CRB1: variants seen among roughly 807,000 people sequenced by gnomAD.
CRB1 encodes the protein protein crumbs homolog 1.
In CRB1, 83 loss-of-function variants were observed where a neutral mutation model predicts 120.0. The observed-to-expected ratio is 0.69, with a 90% CI of 0.58 to 0.83. CRB1 has a LOEUF of 0.83. Ranked by LOEUF, CRB1 falls within the 40% of genes least tolerant of loss-of-function variation. CRB1 has a pLI of 0.00. For synonymous variants in CRB1, 625 were observed against 612.5 expected, an observed-to-expected ratio of 1.02 and a Z score of -0.30; for missense variants, 1,699 against 1,687.6, an observed-to-expected ratio of 1.01 and a Z score of -0.12.
intron 5 of CRB1, among the ~76,000 whole-genome samples, chr1:197,391,977 A>G (rs1030247787): frequency 2.0e-5 from 3 of 152,004 alleles, no homozygotes; most frequent in African/African-American, 7.2e-5. Flanking sequence ...GTGCAAAAAC[A>G]GGTTTTATTC....
intron 3 of CRB1, among the ~76,000 whole-genome samples, chr1:197,346,528 A>G (rs1659785175): frequency 6.6e-6 from 1 of 152,206 alleles, no homozygotes; most frequent in South Asian, 2.1e-4. Flanking sequence ...TTGGTGATAA[A>G]AACACACACA....
chr1:197,401,350 TCTC>T (rs1251877700), intron 5 of CRB1, among the ~76,000 whole-genome samples: 1 of 152,152 alleles, frequency 6.6e-6, no homozygotes, highest in Non-Finnish European at 1.5e-5. Context: ...TTTAATCTAT[TCTC>T]CTCTAATTAC....
At chr1:197,307,064 T>C (rs1253428651) in intron 1 of CRB1, among the ~76,000 whole-genome samples, 3 of 152,216 alleles carry the variant, frequency 2.0e-5, no homozygotes, top group South Asian at 2.1e-4. Flanking sequence ...ATTTTGAATA[T>C]AAGTGGTACC....
rs114727089 is a variant in CRB1, at chr1:197,325,195, C to T, written c.71-3227C>T. On this transcript the variant is annotated intron_variant, in intron 1 of 11. Coordinates refer to ENST00000367400, the MANE Select transcript of CRB1 (RefSeq NM_201253.3). ...CCTGATTAAAGATGTGCCCCTCCTGCACCGCCTCCCTCCCCACCCCAATCC... is the reference window on the plus strand; with the variant it reads ...CCTGATTAAAGATGTGCCCCTCCTGTACCGCCTCCCTCCCCACCCCAATCC... Among the ~76,000 whole-genome samples the T allele has an allele frequency of 5.7e-3, 863 of 152,262 alleles. 8 individuals are homozygous for T. The highest frequency in any genetic ancestry group is 0.017 in the African/African-American group (709 of 41,524).
the CRB1 span, among the ~76,000 whole-genome samples, chr1:197,234,410 CCTT>C: frequency 1.3e-5 from 2 of 152,238 alleles, no homozygotes; most frequent in African/African-American, 2.4e-5. Context: ...GGAACAGAAG[CCTT>C]CTTCCAACAG....
intron 1 of CRB1, among the ~76,000 whole-genome samples, chr1:197,317,480 A>G (rs535111228): frequency 6.6e-6 from 1 of 152,222 alleles, no homozygotes; most frequent in Non-Finnish European, 1.5e-5. Flanking sequence ...TCTTCCCAAA[A>G]TGAGAAAAAA....
chr1:197,225,359 A>T, the CRB1 span, among the ~76,000 whole-genome samples: 1 of 152,352 alleles, frequency 6.6e-6, no homozygotes, highest in East Asian at 1.9e-4. Flanking sequence ...TGTGTTTTCT[A>T]TTCTGCCTAA....
At chr1:197,222,771 C>T in the CRB1 span, 1 of 1,140,472 alleles carries the variant, frequency 8.8e-7, no homozygotes, top group Non-Finnish European at 1.3e-6. Flanking sequence ...TTCTGAACTC[C>T]AAGTGCTACA....
At chr1:197,225,763 G>A in the CRB1 span, among the ~76,000 whole-genome samples, 1 of 152,164 alleles carries the variant, frequency 6.6e-6, no homozygotes, top group Admixed American at 6.5e-5. Flanking sequence ...AGGAACTGCT[G>A]TTTCCTTTAA....
intron 2 of CRB1, among the ~76,000 whole-genome samples, chr1:197,332,518 GGTCTATTA>G (rs1473367258): frequency 6.6e-6 from 1 of 152,064 alleles, no homozygotes; most frequent in Non-Finnish European, 1.5e-5. Context: ...ATAAAAATCG[GGTCTATTA>G]TTAGCTGGTT....
intron 1 of CRB1, among the ~76,000 whole-genome samples, chr1:197,312,788 T>A (rs1281302964): frequency 6.6e-6 from 1 of 152,224 alleles, no homozygotes; most frequent in Non-Finnish European, 1.5e-5. Context: ...TTAATCCCTT[T>A]CCACAATATT....
intron 1 of CRB1, among the ~76,000 whole-genome samples, chr1:197,269,805 A>T (rs1654806816): frequency 6.6e-6 from 1 of 152,204 alleles, no homozygotes; most frequent in Non-Finnish European, 1.5e-5. Flanking sequence ...TGATATCTTT[A>T]ATTAAAAGTA....
chr1:197,329,038 A>C lies in CRB1; in HGVS notation c.652+35A>C, dbSNP rs748539239. On this transcript the variant is annotated intron_variant, in intron 2 of 11. Transcript: ENST00000367400. ...ATCATATCTGAATCACAGATGGTGT[A>C]GTTAGCTCTTTCTAAGTGGCAGAAG... 4.5e-6 allele frequency: 7 copies of C among 1,561,592 alleles called. No individual in the cohort carries two copies. The South Asian group carries it at 7.8e-5, about 17-fold the overall frequency.
chr1:197,467,467 A>T (rs549238518), intron 11 of CRB1, among the ~76,000 whole-genome samples: 3 of 152,314 alleles, frequency 2.0e-5, no homozygotes, highest in South Asian at 2.1e-4. Context: ...TTAACATCTT[A>T]TATACTATCC....
At chr1:197,379,044 C>A (rs1661797467) in intron 5 of CRB1, among the ~76,000 whole-genome samples, 1 of 152,234 alleles carries the variant, frequency 6.6e-6, no homozygotes, top group African/African-American at 2.4e-5. Context: ...ATGAGACAGG[C>A]ATCCTTGCAA....
At chr1:197,307,007 A>G (rs1299831281) in intron 1 of CRB1, among the ~76,000 whole-genome samples, 1 of 152,210 alleles carries the variant, frequency 6.6e-6, no homozygotes, top group African/African-American at 2.4e-5. Context: ...GTTATGTCTG[A>G]AAATTTAGAT....
At chr1:197,443,046 C>T (rs1380279837) in intron 11 of CRB1, 1 of 150,754 alleles carries the variant, frequency 6.6e-6, no homozygotes, top group Non-Finnish European at 1.5e-5. Context: ...CTTGCTTGAA[C>T]CCAGGAGGCG....
chr1:197,214,230 T>A, the CRB1 span, among the ~76,000 whole-genome samples: 2,151 of 151,190 alleles, frequency 0.014, 51 homozygotes, highest in African/African-American at 0.046. Flanking sequence ...CTACAGAAAA[T>A]CAAAAGATTG....
the CRB1 span, among the ~76,000 whole-genome samples, chr1:197,247,030 G>C: frequency 6.6e-6 from 1 of 151,966 alleles, no homozygotes; most frequent in Non-Finnish European, 1.5e-5. Context: ...ATTATCTATA[G>C]CAATCATAAG....
Sources: gnomAD v4.1 joint callset for allele counts (sites outside exome capture counted in the v4.1 genomes callset) on GRCh38, gnomAD v4.1.1 for gene constraint, MANE v1.5 for transcripts, NCBI Gene and HGNC (gene_info 2026-07-23, HGNC 2026-07-21) for gene names.